NOS1AP: variants seen among roughly 807,000 people sequenced by gnomAD.
The protein encoded by NOS1AP is carboxyl-terminal PDZ ligand of neuronal nitric oxide synthase protein.
In NOS1AP, 21 loss-of-function variants were observed where a neutral mutation model predicts 56.2. The ratio of observed to expected loss-of-function variants is 0.37; its 90% CI spans 0.26 to 0.54. The LOEUF (loss-of-function observed/expected upper bound fraction) is 0.54. NOS1AP is among the 20% of genes least tolerant of loss of function. NOS1AP has a pLI of 0.84. For missense variants in NOS1AP, 522 were observed against 657.8 expected, an observed-to-expected ratio of 0.79 and a Z score of 2.26; for synonymous variants, 270 against 274.6, an observed-to-expected ratio of 0.98 and a Z score of 0.17.
chr1:162,234,405 A>T (rs1014101117), intron 2 of NOS1AP, among the ~76,000 whole-genome samples: 4 of 152,120 alleles, frequency 2.6e-5, no homozygotes, highest in African/African-American at 9.7e-5. Flanking sequence ...TAGATCAGGG[A>T]ATGGCAGAGC....
chr1:162,078,381 C>G (rs753596133), intron 1 of NOS1AP, among the ~76,000 whole-genome samples: 3 of 152,162 alleles, frequency 2.0e-5, no homozygotes, highest in Non-Finnish European at 4.4e-5. Context: ...CCCTTGTATT[C>G]TTTGATTTAA....
intron 2 of NOS1AP, among the ~76,000 whole-genome samples, chr1:162,227,229 A>G (rs1652975265): frequency 6.6e-6 from 1 of 152,228 alleles, no homozygotes; most frequent in Admixed American, 6.5e-5. Context: ...TCTATATACA[A>G]AAACATAAAT....
intron 2 of NOS1AP, among the ~76,000 whole-genome samples, chr1:162,217,649 G>GA (rs1314507672): frequency 6.6e-6 from 1 of 152,182 alleles, no homozygotes; most frequent in African/African-American, 2.4e-5. Flanking sequence ...GAGGCAGAGT[G>GA]AGAGTGTGGC....
At chr1:162,124,815 G>T (rs1423568835) in intron 1 of NOS1AP, among the ~76,000 whole-genome samples, 1 of 152,066 alleles carries the variant, frequency 6.6e-6, no homozygotes, top group Non-Finnish European at 1.5e-5. Flanking sequence ...GAGCCACCAC[G>T]CATGGCCACA....
Position 162,147,933 on chromosome 1 carries a change from G to C in NOS1AP, c.106-6472G>C, listed in dbSNP as rs188963005. 2.0e-5 allele frequency among the ~76,000 whole-genome samples: 3 copies of C among 152,140 alleles called. No homozygotes were observed. In the East Asian group the frequency reaches 5.8e-4, roughly 29 times the overall value. On this transcript the variant is annotated intron_variant, in intron 1 of 9. Transcript: ENST00000361897. ...TGTCTCACAGCAGGGATTCCTGGAAGGGGGGGATGCAGGAATGCTACAGAA... is the reference window on the plus strand; with the variant it reads ...TGTCTCACAGCAGGGATTCCTGGAACGGGGGGATGCAGGAATGCTACAGAA...
chr1:162,088,782 A>G (rs1329431566), intron 1 of NOS1AP, among the ~76,000 whole-genome samples: 1 of 152,162 alleles, frequency 6.6e-6, no homozygotes, highest in Admixed American at 6.5e-5. Flanking sequence ...TCCTCATACT[A>G]CTAAGCATTT....
At chr1:162,290,988 T>C (rs1371363543) in intron 3 of NOS1AP, among the ~76,000 whole-genome samples, 3 of 151,510 alleles carry the variant, frequency 2.0e-5, no homozygotes, top group Non-Finnish European at 4.4e-5. Flanking sequence ...ATAGGTCACC[T>C]GTATGTATTT....
chr1:162,228,801 C>A (rs539699263), intron 2 of NOS1AP, among the ~76,000 whole-genome samples: 1 of 152,214 alleles, frequency 6.6e-6, no homozygotes, highest in East Asian at 1.9e-4. Flanking sequence ...CAATGTCTGG[C>A]AGTCAATAAA....
At chr1:162,246,221 C>T (rs1208979576) in intron 2 of NOS1AP, among the ~76,000 whole-genome samples, 1 of 152,000 alleles carries the variant, frequency 6.6e-6, no homozygotes. Flanking sequence ...TTTTTTAAAT[C>T]TCCTAGTATG....
Position 162,188,751 on chromosome 1 carries a change from C to T in NOS1AP, c.177+34275C>T, listed in dbSNP as rs1651521253. On this transcript the variant is annotated intron_variant, in intron 2 of 9. Transcript: ENST00000361897. The surrounding 1 kb of genome is among the most constrained non-coding windows in gnomAD (Gnocchi z 4.0). ...TCTATTTTTATTTTCAAATGTTGAA[C>T]AGTTGGTTAAGATTATTTTAGGCTG... Among the ~76,000 whole-genome samples, 1 of 152,116 alleles carries T rather than the reference C, an allele frequency of 6.6e-6. No individual in the cohort carries two copies. Among genetic ancestry groups the T allele is most frequent in the African/African-American group, 2.4e-5 (1 of 41,422 alleles).
At chr1:162,346,803 T>C (rs1490323579) in intron 6 of NOS1AP, among the ~76,000 whole-genome samples, 1 of 152,242 alleles carries the variant, frequency 6.6e-6, no homozygotes, top group African/African-American at 2.4e-5. Flanking sequence ...GCTTACTCAT[T>C]TCTATTAAGT....
At chr1:162,141,811 G>C (rs1361812593) in intron 1 of NOS1AP, among the ~76,000 whole-genome samples, 2 of 152,212 alleles carry the variant, frequency 1.3e-5, no homozygotes, top group Non-Finnish European at 2.9e-5. Context: ...TGCTGCCGAT[G>C]TTAATGAGAA....
chr1:162,081,774 A>ATATATATATATATATT, intron 1 of NOS1AP, among the ~76,000 whole-genome samples: 6 of 44,060 alleles, frequency 1.4e-4, no homozygotes, highest in African/African-American at 3.8e-4. Flanking sequence ...ATATATATAT[A>ATATATATATATATATT]TTTTTTTTTT....
At position 162,367,437 on chromosome 1, in the gene NOS1AP, C is replaced by T. The variant is rs758491966; in HGVS notation, c.1491C>T (p.Gly497=). 23 of 1,575,988 alleles carry T rather than the reference C, an allele frequency of 1.5e-5. No homozygotes were observed. The South Asian group carries it at 1.8e-4, about 12-fold the overall frequency. The change falls in exon 10 of 10, where the codon GGC becomes GGT. Residue 497 remains glycine, a synonymous_variant. Transcript: ENST00000361897. The surrounding 1 kb of genome is among the most constrained non-coding windows in gnomAD (Gnocchi z 6.5). ...ATGTCCTGCAGAGGCAGGAACTGGG[C>T]GACGGCCTGGATGATGAGATCGCCG... ...LLNVLQRQEL[G]DGLDDEIAV
chr1:162,315,085 G>T (rs928374702), intron 4 of NOS1AP, among the ~76,000 whole-genome samples: 1 of 152,210 alleles, frequency 6.6e-6, no homozygotes, highest in Non-Finnish European at 1.5e-5. Context: ...CGCTTAGGAG[G>T]GACCTTTATG....
chr1:162,273,046 T>G (rs1654629307), intron 2 of NOS1AP, among the ~76,000 whole-genome samples: 1 of 152,118 alleles, frequency 6.6e-6, no homozygotes, highest in Non-Finnish European at 1.5e-5. Context: ...GTGCCTGGAC[T>G]GGCTGTGTAT....
chr1:162,071,710 T>A (rs1248925564), intron 1 of NOS1AP, among the ~76,000 whole-genome samples: 1 of 152,210 alleles, frequency 6.6e-6, no homozygotes, highest in Admixed American at 6.5e-5. Context: ...TAAGATGGGA[T>A]GCTTGGGTTA....
intron 2 of NOS1AP, among the ~76,000 whole-genome samples, chr1:162,258,862 A>G (rs1209228156): frequency 6.6e-6 from 1 of 152,172 alleles, no homozygotes; most frequent in African/African-American, 2.4e-5. Context: ...CAGAGTCCAT[A>G]ACAAATAATC....
At chr1:162,090,965 T>C (rs1692115077) in intron 1 of NOS1AP, among the ~76,000 whole-genome samples, 2 of 152,246 alleles carry the variant, frequency 1.3e-5, no homozygotes, top group Non-Finnish European at 2.9e-5. Flanking sequence ...TTTTCTGTTG[T>C]TAATTTTTAT....
Sources: gnomAD v4.1 joint callset for allele counts (sites outside exome capture counted in the v4.1 genomes callset) on GRCh38, gnomAD v4.1.1 for gene constraint, Gnocchi (gnomAD v3.1) non-coding constraint, MANE v1.5 for transcripts, NCBI Gene and HGNC (gene_info 2026-07-23, HGNC 2026-07-21) for gene names.